The following CTIF variants were observed in gnomAD, a reference collection of about 807,000 sequenced individuals.
CTIF encodes the protein CBP80/20-dependent translation initiation factor.
Under a neutral mutation model 66.0 loss-of-function variants are expected in CTIF, and 21 were observed. That is an observed-to-expected ratio of 0.32 (90% confidence interval 0.23 to 0.46). CTIF has a LOEUF of 0.46. Ranked by LOEUF, CTIF falls within the 20% of genes least tolerant of loss-of-function variation. The pLI, the probability that CTIF is intolerant of heterozygous loss-of-function variation, is 1.00. For synonymous variants in CTIF, 345 were observed against 326.4 expected (o/e 1.06, Z -0.62); for missense variants, 739 against 812.7 (o/e 0.91, Z 1.10).
intron 10 of CTIF, among the ~76,000 whole-genome samples, chr18:48,827,451 A>C (rs1227979668): frequency 6.6e-6 from 1 of 152,186 alleles, no homozygotes; most frequent in East Asian, 1.9e-4. Context: ...GCGAGGAGGC[A>C]GGAGAGCCAC....
intron 2 of CTIF, among the ~76,000 whole-genome samples, chr18:48,623,355 C>T (rs1373019283): frequency 6.6e-5 from 10 of 152,210 alleles, no homozygotes; most frequent in Non-Finnish European, 4.4e-5. Context: ...CTGCCCCTAC[C>T]GCGCCCCTGC....
intron 9 of CTIF, among the ~76,000 whole-genome samples, chr18:48,805,628 CTG>C (rs1191570414): frequency 2.0e-5 from 3 of 152,242 alleles, no homozygotes; most frequent in Non-Finnish European, 2.9e-5. Flanking sequence ...AGAAACATCA[CTG>C]TATGGCAAAA....
chr18:48,578,859 C>A (rs1015314420), intron 1 of CTIF, among the ~76,000 whole-genome samples: 1 of 152,138 alleles, frequency 6.6e-6, no homozygotes, highest in African/African-American at 2.4e-5. Context: ...CAATTTATCT[C>A]TTTTACTTAC....
At chr18:48,807,935 C>T (rs1229653851) in intron 9 of CTIF, among the ~76,000 whole-genome samples, 4 of 152,000 alleles carry the variant, frequency 2.6e-5, no homozygotes, top group African/African-American at 4.8e-5. Flanking sequence ...TAATTGTTCC[C>T]CTGTTGTTGG....
chr18:48,852,009 A>G (rs552047432), intron 10 of CTIF, among the ~76,000 whole-genome samples: 5 of 152,140 alleles, frequency 3.3e-5, no homozygotes, highest in Admixed American at 1.3e-4. Context: ...AGGTGGGAGG[A>G]TCACTTGAGC....
chr18:48,685,040 T>G (rs2091813556), intron 6 of CTIF, among the ~76,000 whole-genome samples: 1 of 151,666 alleles, frequency 6.6e-6, no homozygotes, highest in Non-Finnish European at 1.5e-5. Flanking sequence ...ATTTTTTTTT[T>G]TTTTTTGGTT....
At chr18:48,823,307 T>G (rs2068520318) in intron 10 of CTIF, among the ~76,000 whole-genome samples, 2 of 152,240 alleles carry the variant, frequency 1.3e-5, no homozygotes, top group Admixed American at 6.5e-5. Context: ...AGGTCTTATA[T>G]TTAAGTCTTC....
rs2090206382 is a variant in CTIF at position 48,606,622 on chromosome 18, T to A, written c.-28-12916T>A. Reference sequence around the variant, plus strand: ...GACCCAAAGGCTTGATCTGGAGCAGTTTCCAATGCCCACTCCAGGAGGGAC... The same window carrying A: ...GACCCAAAGGCTTGATCTGGAGCAGATTCCAATGCCCACTCCAGGAGGGAC... On this transcript the variant is annotated intron_variant, in intron 1 of 11. Coordinates refer to ENST00000256413, the MANE Select transcript of CTIF (RefSeq NM_014772.3). Among the ~76,000 whole-genome samples, 2 of 152,162 alleles carry A rather than the reference T, an allele frequency of 1.3e-5. 1 individual carries two copies. The highest frequency in any genetic ancestry group is 4.1e-4 in the South Asian group (2 of 4,828).
chr18:48,746,902 A>G (rs1256547500), intron 7 of CTIF, among the ~76,000 whole-genome samples: 1 of 151,832 alleles, frequency 6.6e-6, no homozygotes, highest in Admixed American at 6.6e-5. Context: ...TCCTTCCACT[A>G]CCTCACGTCC....
chr18:48,862,790 A>C lies in CTIF; in HGVS notation c.*3231A>C, dbSNP rs889501272. 20 of 152,282 alleles carry C rather than the reference A, an allele frequency of 1.3e-4. No homozygotes were observed. Among genetic ancestry groups the C allele is most frequent in the African/African-American group, 4.8e-4 (20 of 41,442 alleles). 9.4% of individuals were successfully genotyped at this position (152,282 alleles called of 1,614,324 possible). A position where few individuals can be genotyped will look rare whatever the true frequency, so the allele number is the denominator to read the frequency against. ...GCCAGGCCGCCACCAGAGCAGCCCC[A>C]TGGGGTGCCCCAGACGCGGGCCTCC... On this transcript the variant is annotated 3_prime_UTR_variant, in exon 12 of 12. Coordinates refer to ENST00000256413, the MANE Select transcript of CTIF (RefSeq NM_014772.3).
intron 7 of CTIF, among the ~76,000 whole-genome samples, chr18:48,756,602 A>C (rs566206822): frequency 3.9e-5 from 6 of 152,234 alleles, no homozygotes; most frequent in Non-Finnish European, 8.8e-5. Context: ...ACTATTTTAC[A>C]ACCTTTGCAG....
At chr18:48,665,427 G>A (rs2091420874) in intron 5 of CTIF, among the ~76,000 whole-genome samples, 1 of 152,220 alleles carries the variant, frequency 6.6e-6, no homozygotes, top group Non-Finnish European at 1.5e-5. Context: ...ACACAGAGGT[G>A]TGGGACAAAT....
chr18:48,855,633 A>G (rs1358641622), intron 10 of CTIF, among the ~76,000 whole-genome samples: 4 of 152,224 alleles, frequency 2.6e-5, no homozygotes, highest in Admixed American at 6.5e-5. Flanking sequence ...CACTCTGGCC[A>G]GTTGTGTACA....
chr18:48,720,238 G>T (rs1057141586), intron 7 of CTIF, among the ~76,000 whole-genome samples: 5 of 152,204 alleles, frequency 3.3e-5, no homozygotes, highest in Non-Finnish European at 5.9e-5. Flanking sequence ...TATCTTGTTC[G>T]TGTGTGGTGG....
rs1294234352 is a variant in CTIF at position 48,781,539 on chromosome 18, G to A, written c.1371+19850G>A. 3.9e-5 allele frequency among the ~76,000 whole-genome samples: 6 copies of A among 152,210 alleles called. 1 individual carries two copies. The highest frequency in any genetic ancestry group is 9.7e-5 in the African/African-American group (4 of 41,450). On this transcript the variant is annotated intron_variant, in intron 9 of 11. Transcript: ENST00000256413. Reference sequence around the variant, plus strand: ...TGTGTATCTGCATGCGTCTGCCGGCGAGGGTGGCTGGAGCCGGGCGGTCTG... The same window carrying A: ...TGTGTATCTGCATGCGTCTGCCGGCAAGGGTGGCTGGAGCCGGGCGGTCTG...
chr18:48,551,889 C>T (rs150802498), intron 1 of CTIF, among the ~76,000 whole-genome samples: 2,575 of 152,206 alleles, frequency 0.017, 68 homozygotes, highest in African/African-American at 0.059. Context: ...GCTCCGCCTC[C>T]TGGGTTCACG....
At position 48,859,981 on chromosome 18, in the gene CTIF, G is replaced by T. The variant is rs1196395991; in HGVS notation, c.*422G>T. 1 of 462,370 alleles carries T rather than the reference G, an allele frequency of 2.2e-6. No homozygotes were observed. The highest frequency in any genetic ancestry group is 4.3e-6 in the Non-Finnish European group (1 of 231,334). The allele number at this position is 462,370 out of a possible 1,614,324, so 28.6% of individuals were successfully genotyped here. On this transcript the variant is annotated 3_prime_UTR_variant, in exon 12 of 12. Coordinates refer to ENST00000256413, the MANE Select transcript of CTIF (RefSeq NM_014772.3). Reference sequence around the variant, plus strand: ...AGGACCTCGGAAGGCTGAAAAAGTGGGTCGGAGACGGGCTCGCATTGTTCC... The same window carrying T: ...AGGACCTCGGAAGGCTGAAAAAGTGTGTCGGAGACGGGCTCGCATTGTTCC...
Position 48,664,434 on chromosome 18 carries a change from C to A in CTIF, c.327-13C>A, listed in dbSNP as rs1181770143. 1.9e-6 allele frequency: 3 copies of A among 1,610,136 alleles called. No individual in the cohort carries two copies. The highest frequency in any genetic ancestry group is 1.7e-5 in the Admixed American group (1 of 59,978). On this transcript the variant is annotated splice_polypyrimidine_tract_variant and intron_variant, in intron 4 of 11. Transcript: ENST00000256413. ...CCTCTTGCCTCCGTTTCTCACCCTC[C>A]CTCGCCCTCTAGTGGTGCCACCTGG...
chr18:48,630,912 C>T (rs2090699212), intron 2 of CTIF, among the ~76,000 whole-genome samples: 2 of 151,994 alleles, frequency 1.3e-5, no homozygotes, highest in Admixed American at 1.3e-4. Context: ...CTCCTGAACT[C>T]GTGATCCACC....
Sources: allele counts gnomAD v4.1 joint callset (sites outside exome capture counted in the v4.1 genomes callset), GRCh38; gene constraint gnomAD v4.1.1; transcripts MANE v1.5; gene names NCBI Gene and HGNC (gene_info 2026-07-23, HGNC 2026-07-21).